GKAP1: variants seen among roughly 807,000 people sequenced by gnomAD.
The protein encoded by GKAP1 is G kinase-anchoring protein 1.
In GKAP1, 31 loss-of-function variants were observed where a neutral mutation model predicts 56.7. The ratio of observed to expected loss-of-function variants is 0.55; its 90% confidence interval spans 0.41 to 0.74. The LOEUF is 0.74. GKAP1 is among the 30% of genes least tolerant of loss of function. The pLI is 0.00. For missense variants in GKAP1, 364 were observed against 402.3 expected, an observed-to-expected ratio of 0.90 and a Z score of 0.82; for synonymous variants, 151 against 138.6, an observed-to-expected ratio of 1.09 and a Z score of -0.63.
At chr9:83,747,048 G>A (rs1564187865) in intron 10 of GKAP1, among the ~76,000 whole-genome samples, 3 of 152,160 alleles carry the variant, frequency 2.0e-5, no homozygotes, top group South Asian at 4.1e-4. Context: ...TTATTAACAG[G>A]AAAACTGTTG....
chr9:83,795,588 C>CTTT (rs58291258), intron 4 of GKAP1, among the ~76,000 whole-genome samples: 47,515 of 108,460 alleles, frequency 0.44, 11,137 homozygotes, highest in Admixed American at 0.53. Context: ...CTGAGAGTGT[C>CTTT]TTTTTTTTTT....
chr9:83,753,668 A>G (rs1422206815), intron 8 of GKAP1, among the ~76,000 whole-genome samples: 1 of 152,184 alleles, frequency 6.6e-6, no homozygotes, highest in Non-Finnish European at 1.5e-5. Flanking sequence ...CTATCTTAAA[A>G]ATTCAAAAAT....
chr9:83,779,309 A>G (rs1012726677), intron 7 of GKAP1, among the ~76,000 whole-genome samples: 2 of 151,640 alleles, frequency 1.3e-5, no homozygotes, highest in Middle Eastern at 6.8e-3. Context: ...ATAGTTAGGA[A>G]CTAAATTATT....
chr9:83,813,021 G>A (rs1410213515), intron 2 of GKAP1, among the ~76,000 whole-genome samples: 1 of 152,082 alleles, frequency 6.6e-6, no homozygotes, highest in Non-Finnish European at 1.5e-5. Flanking sequence ...GGGAGACTAG[G>A]AAAACATTAG....
At chr9:83,775,134 G>A (rs1458401520) in intron 7 of GKAP1, among the ~76,000 whole-genome samples, 4 of 151,928 alleles carry the variant, frequency 2.6e-5, no homozygotes, top group African/African-American at 7.3e-5. Context: ...ATCCAGAGTA[G>A]CTGGGACTAC....
intron 7 of GKAP1, among the ~76,000 whole-genome samples, chr9:83,774,248 A>G (rs1185601934): frequency 6.6e-6 from 1 of 152,166 alleles, no homozygotes; most frequent in East Asian, 1.9e-4. Flanking sequence ...CCTAGAATAA[A>G]ACCTAGGAAA....
rs199543115 is a variant in GKAP1 at position 83,768,989 on chromosome 9, G to T, written c.586-19C>A. On this transcript the variant is annotated intron_variant, in intron 7 of 12. Transcript: ENST00000376371. ...TCAATTCCTGTCAAAAATGAATTAC[G>T]ATTTACTATCATTCAACATGCACTG... is the stretch of plus-strand genomic sequence containing the variant. 39 of 1,596,406 alleles carry T rather than the reference G, an allele frequency of 2.4e-5. No individual in the cohort carries two copies. The highest frequency in any genetic ancestry group is 2.6e-5 in the Non-Finnish European group (31 of 1,171,746).
chr9:83,779,509 G>A (rs1185806482), intron 7 of GKAP1, among the ~76,000 whole-genome samples: 4 of 97,502 alleles, frequency 4.1e-5, no homozygotes, highest in African/African-American at 7.7e-5. Context: ...ACACATATAT[G>A]TGTATATATA....
chr9:83,793,449 C>A (rs919941424), intron 4 of GKAP1, among the ~76,000 whole-genome samples: 5 of 152,142 alleles, frequency 3.3e-5, no homozygotes, highest in African/African-American at 1.2e-4. Context: ...CATAATTATT[C>A]TAAAGGTTGT....
rs189759003 is a variant in GKAP1 at position 83,752,156 on chromosome 9, C to T, written c.840+1102G>A. Among the ~76,000 whole-genome samples the T allele has an allele frequency of 3.3e-5, 5 of 152,328 alleles. No homozygotes were observed. The East Asian group carries it at 9.6e-4, about 29-fold the overall frequency. On this transcript the variant is annotated intron_variant, in intron 9 of 12. Transcript: ENST00000376371. ...CAGTGGCTCACGCCTGTAACCCCAA[C>T]ACCCTGAGAGGCCAAGGCGAGCAGA... is the stretch of plus-strand genomic sequence containing the variant.
rs1944109213 is a variant in GKAP1, at chr9:83,788,869, C to A, written c.361-191G>T. 3.2e-5 allele frequency: 12 copies of A among 379,714 alleles called. No homozygotes were observed. The South Asian group carries it at 9.8e-4, about 31-fold the overall frequency. The allele number at this position is 379,714 out of a possible 1,614,324, so 23.5% of individuals were successfully genotyped here. A position where few individuals can be genotyped will look rare whatever the true frequency, so the allele number is the denominator to read the frequency against. On this transcript the variant is annotated intron_variant, in intron 4 of 12. Coordinates refer to ENST00000376371, the MANE Select transcript of GKAP1 (RefSeq NM_025211.4). ...ATAGAAGACATCAAAATACAAACTT[C>A]CAATTTTGAGATTTCCATTTCTCCT...
intron 4 of GKAP1, among the ~76,000 whole-genome samples, chr9:83,797,851 C>T (rs1197135422): frequency 1.3e-5 from 2 of 152,216 alleles, no homozygotes; most frequent in Non-Finnish European, 2.9e-5. Flanking sequence ...GAGAAATTCT[C>T]TCCAATGAAG....
At chr9:83,812,092 GAAGA>G (rs968720029) in intron 2 of GKAP1, among the ~76,000 whole-genome samples, 14 of 151,542 alleles carry the variant, frequency 9.2e-5, no homozygotes, top group Admixed American at 4.6e-4. Context: ...ATACCAAAAT[GAAGA>G]AAGAAATGCA....
intron 2 of GKAP1, among the ~76,000 whole-genome samples, chr9:83,812,522 C>T (rs915860855): frequency 6.6e-6 from 1 of 150,586 alleles, no homozygotes; most frequent in Non-Finnish European, 1.5e-5. Context: ...TAATTTTTTG[C>T]AGAGACAGGG....
intron 10 of GKAP1, among the ~76,000 whole-genome samples, chr9:83,746,428 C>T (rs922289115): frequency 6.6e-6 from 1 of 152,066 alleles, no homozygotes; most frequent in African/African-American, 2.4e-5. Flanking sequence ...ACTAGCTGGG[C>T]GTGGTGGCTC....
intron 10 of GKAP1, 123 bp from the exon 11 acceptor site, chr9:83,742,723 T>C: frequency 9.0e-6 from 5 of 557,342 alleles, no homozygotes; most frequent in Non-Finnish European, 1.3e-5. Flanking sequence ...ACTTAAAGAA[T>C]CTACTTCTTG....
intron 6 of GKAP1, 84 bp from the exon 7 acceptor site, chr9:83,780,488 C>G: frequency 3.4e-6 from 2 of 591,204 alleles, no homozygotes; most frequent in Non-Finnish European, 5.7e-6. Context: ...AAAAACGAAA[C>G]TGAAAGAATT....
At chr9:83,804,333 T>C (rs1351165102) in intron 3 of GKAP1, among the ~76,000 whole-genome samples, 1 of 121,762 alleles carries the variant, frequency 8.2e-6, no homozygotes, top group African/African-American at 3.2e-5. Flanking sequence ...AGCCGCCCCA[T>C]CCGGGAGGGA....
intron 6 of GKAP1, among the ~76,000 whole-genome samples, chr9:83,780,623 G>A (rs1269462645): frequency 6.6e-6 from 1 of 152,072 alleles, no homozygotes; most frequent in Non-Finnish European, 1.5e-5. Flanking sequence ...TCAGCTTAAG[G>A]AACGTCTTAT....
Sources: allele counts gnomAD v4.1 joint callset (sites outside exome capture counted in the v4.1 genomes callset), GRCh38; gene constraint gnomAD v4.1.1; transcripts MANE v1.5; gene names NCBI Gene and HGNC (gene_info 2026-07-23, HGNC 2026-07-21).